FER: variants seen among roughly 807,000 people sequenced by gnomAD.
FER encodes the protein FER tyrosine kinase.
In FER, 63 loss-of-function variants were observed where a neutral mutation model predicts 111.0. The observed-to-expected ratio is 0.57, with a 90% CI of 0.46 to 0.70. The LOEUF (loss-of-function observed/expected upper bound fraction) is 0.70, where lower values mean the gene tolerates loss of function less well. Among genes scored for constraint, FER ranks in the 30% least tolerant of loss-of-function variants. FER has a pLI of 0.00. For synonymous variants in FER, 327 were observed against 313.9 expected (o/e 1.04, Z -0.44); for missense variants, 914 against 954.0 (o/e 0.96, Z 0.55).
chr5:109,078,564 C>G (rs557494050), intron 16 of FER, among the ~76,000 whole-genome samples: 3 of 152,278 alleles, frequency 2.0e-5, no homozygotes, highest in African/African-American at 7.2e-5. Context: ...GAATATGCCT[C>G]TGATTGGGTC....
chr5:108,932,324 A>G (rs1232581385), intron 10 of FER, among the ~76,000 whole-genome samples: 3 of 152,124 alleles, frequency 2.0e-5, no homozygotes, highest in African/African-American at 7.2e-5. Context: ...TTCCCGCTTC[A>G]TCCATGTTCC....
chr5:108,944,219 T>A (rs536436097), intron 10 of FER, among the ~76,000 whole-genome samples: 1 of 152,186 alleles, frequency 6.6e-6, no homozygotes, highest in East Asian at 1.9e-4. Context: ...ATACTGTACC[T>A]AGAACTTTTC....
chr5:108,998,101 A>T (rs1764233044), intron 13 of FER, among the ~76,000 whole-genome samples: 1 of 148,714 alleles, frequency 6.7e-6, no homozygotes, highest in Non-Finnish European at 1.5e-5. Context: ...GTACCAGACC[A>T]CTTGGCTCCC....
intron 1 of FER, among the ~76,000 whole-genome samples, chr5:108,757,667 C>A (rs895529138): frequency 2.6e-5 from 4 of 152,184 alleles, no homozygotes; most frequent in East Asian, 3.8e-4. Flanking sequence ...TTCATAAATC[C>A]TGTCCTCCAT....
chr5:109,010,076 C>T (rs1223209741), intron 13 of FER, among the ~76,000 whole-genome samples: 1 of 152,164 alleles, frequency 6.6e-6, no homozygotes, highest in Admixed American at 6.6e-5. Context: ...CAAAGAGGTA[C>T]CTGTACTTGG....
chr5:108,975,744 G>A (rs981321303), intron 13 of FER, among the ~76,000 whole-genome samples: 4 of 152,180 alleles, frequency 2.6e-5, no homozygotes, highest in African/African-American at 9.7e-5. Flanking sequence ...AGGTATTTGT[G>A]GGGGTGTTGA....
At chr5:109,044,655 A>G (rs1179999657) in intron 14 of FER, 25 bp from the exon 15 acceptor site, 2 of 1,193,792 alleles carry the variant, frequency 1.7e-6, no homozygotes, top group South Asian at 1.5e-5. Context: ...TTTACCCCAG[A>G]CAATGAATGT....
In FER at chr5:109,086,917, ATCT is replaced by A. The variant is rs1777628175; in HGVS notation, c.1925-13475_1925-13473del. Among the ~76,000 whole-genome samples the A allele has an allele frequency of 4.7e-5, 7 of 149,728 alleles. No individual in the cohort carries two copies. In the Admixed American group the frequency reaches 4.7e-4, roughly 10 times the overall value. ...CTCTCTTCTTAGCTTGTGTATGGTCATCTTCTCTGTGTGTCTTCACATGATCTT... is the reference window on the plus strand; with the variant it reads ...CTCTCTTCTTAGCTTGTGTATGGTCATCTCTGTGTGTCTTCACATGATCTT... On this transcript the variant is annotated intron_variant, in intron 16 of 19. Transcript: ENST00000281092.
chr5:108,862,687 T>C (rs1384541053), intron 5 of FER, among the ~76,000 whole-genome samples: 2 of 152,184 alleles, frequency 1.3e-5, no homozygotes, highest in Non-Finnish European at 2.9e-5. Flanking sequence ...TTTTGTTTTC[T>C]TATTATGAAC....
intron 16 of FER, chr5:109,051,186 A>T (rs1772744004): frequency 1.5e-6 from 1 of 688,724 alleles, no homozygotes; most frequent in African/African-American, 1.8e-5. Context: ...TGTGTTTTCT[A>T]AGCCTCATGA....
chr5:108,948,660 A>T (rs1187693135), intron 11 of FER, among the ~76,000 whole-genome samples: 1 of 152,108 alleles, frequency 6.6e-6, no homozygotes, highest in Non-Finnish European at 1.5e-5. Flanking sequence ...CTTTCAAACC[A>T]TATTATATTT....
chr5:108,936,209 C>T (rs1340081723), intron 10 of FER, among the ~76,000 whole-genome samples: 2 of 151,902 alleles, frequency 1.3e-5, no homozygotes, highest in Non-Finnish European at 2.9e-5. Context: ...TTCAAATTCT[C>T]AATATTTAAA....
intron 10 of FER, among the ~76,000 whole-genome samples, chr5:108,936,553 T>C (rs1276558233): frequency 1.3e-5 from 2 of 152,040 alleles, no homozygotes; most frequent in Non-Finnish European, 2.9e-5. Context: ...ACAATTCTCA[T>C]GGGTACTTTA....
At chr5:108,801,488 C>A (rs192053189) in intron 3 of FER, among the ~76,000 whole-genome samples, 3 of 152,208 alleles carry the variant, frequency 2.0e-5, no homozygotes, top group Admixed American at 6.5e-5. Context: ...ATGCCTGAAG[C>A]TGTGGATAGT....
Position 108,788,337 on chromosome 5 carries a change from C to T in FER, c.-59-9787C>T, listed in dbSNP as rs564428278. On this transcript the variant is annotated intron_variant, in intron 2 of 19. Coordinates refer to ENST00000281092, the MANE Select transcript of FER (RefSeq NM_005246.4). ...GATCCCGCGCTTGCTCACTCACACA[C>T]CCCTTGCTGCTCCACTCCTGGCTCA... is the stretch of plus-strand genomic sequence containing the variant. 2.0e-5 allele frequency among the ~76,000 whole-genome samples: 3 copies of T among 152,134 alleles called. No individual in the cohort carries two copies. The East Asian group carries it at 5.8e-4, about 29-fold the overall frequency.
chr5:109,180,322 T>C lies in FER; in HGVS notation c.2049-425T>C, dbSNP rs116170376. Among the ~76,000 whole-genome samples the C allele has an allele frequency of 6.0e-3, 909 of 152,328 alleles. 7 individuals are homozygous for C. Among genetic ancestry groups the C allele is most frequent in the African/African-American group, 0.021 (865 of 41,570 alleles). On this transcript the variant is annotated intron_variant, in intron 17 of 19. Coordinates refer to ENST00000281092, the MANE Select transcript of FER (RefSeq NM_005246.4). ...CAGCTATTTAATGTAACTAAAAGTA[T>C]ATAAAATGAAAAATTCAGTTTCTTG...
chr5:108,959,439 T>C (rs1278188683), intron 13 of FER, 92 bp downstream of exon 13: 1 of 1,296,762 alleles, frequency 7.7e-7, no homozygotes, highest in Admixed American at 2.6e-5. Context: ...TTAGGTTATA[T>C]GCTAGTAGTT....
rs375119123 is a variant in FER at position 109,169,456 on chromosome 5, T to G, written c.2049-11291T>G. On this transcript the variant is annotated intron_variant, in intron 17 of 19. Transcript: ENST00000281092. Reference sequence around the variant, plus strand: ...AGCAATCATAGGACTGAAGGGAAATTTATTATAAAGTCACCTGGGATATTA... The same window carrying G: ...AGCAATCATAGGACTGAAGGGAAATGTATTATAAAGTCACCTGGGATATTA... Among the ~76,000 whole-genome samples the G allele has an allele frequency of 6.6e-5, 10 of 152,254 alleles. No homozygotes were observed. The East Asian group carries it at 1.9e-3, about 29-fold the overall frequency.
chr5:108,851,378 G>A (rs1226442671), intron 5 of FER, among the ~76,000 whole-genome samples: 5 of 151,986 alleles, frequency 3.3e-5, no homozygotes, highest in African/African-American at 9.7e-5. Flanking sequence ...TCATGAGAAC[G>A]CCATGGGAAA....
Sources: allele counts gnomAD v4.1 joint callset (sites outside exome capture counted in the v4.1 genomes callset), GRCh38; gene constraint gnomAD v4.1.1; transcripts MANE v1.5; gene names NCBI Gene and HGNC (gene_info 2026-07-23, HGNC 2026-07-21).